The following VPS35L variants were observed in gnomAD, a reference collection of about 807,000 sequenced individuals.
The protein encoded by VPS35L is VPS35 endosomal protein sorting factor like.
A neutral mutation model predicts 133.0 loss-of-function variants in VPS35L; 83 were observed. The ratio of observed to expected loss-of-function variants is 0.62; its 90% confidence interval spans 0.52 to 0.75. VPS35L has a LOEUF of 0.75. VPS35L is among the 30% of genes least tolerant of loss of function. The pLI, the probability that VPS35L is intolerant of heterozygous loss-of-function variation, is 0.00. For missense variants in VPS35L, 1,083 were observed against 1,206.8 expected (o/e 0.90, Z 1.52); for synonymous variants, 423 against 449.9 (o/e 0.94, Z 0.76).
At chr16:19,600,461 G>A (rs927529566) in intron 8 of VPS35L, among the ~76,000 whole-genome samples, 5 of 152,086 alleles carry the variant, frequency 3.3e-5, no homozygotes, top group South Asian at 2.1e-4. Flanking sequence ...TTATTGGAAC[G>A]CAGCCACATC....
intron 27 of VPS35L, among the ~76,000 whole-genome samples, chr16:19,672,644 T>C (rs2151608337): frequency 6.6e-6 from 1 of 152,284 alleles, no homozygotes; most frequent in South Asian, 2.1e-4. Context: ...CTTGTTGTCC[T>C]GCAGGGAGGA....
intron 27 of VPS35L, among the ~76,000 whole-genome samples, chr16:19,672,764 C>T (rs768496166): frequency 2.0e-4 from 30 of 152,144 alleles, no homozygotes; most frequent in Admixed American, 3.9e-4. Flanking sequence ...CTGTAAGTTT[C>T]TCTCTTTGGG....
At chr16:19,618,762 A>T (rs1010842072) in intron 14 of VPS35L, among the ~76,000 whole-genome samples, 1 of 152,144 alleles carries the variant, frequency 6.6e-6, no homozygotes, top group African/African-American at 2.4e-5. Flanking sequence ...AGAATCAAAG[A>T]AGTCACTGTA....
chr16:19,583,851 C>T (rs1971782832), intron 7 of VPS35L, among the ~76,000 whole-genome samples: 1 of 152,014 alleles, frequency 6.6e-6, no homozygotes, highest in African/African-American at 2.4e-5. Flanking sequence ...GTTAACCAAC[C>T]TCTTTGTTCT....
chr16:19,621,755 A>C (rs1187223924), intron 14 of VPS35L, among the ~76,000 whole-genome samples: 2 of 152,206 alleles, frequency 1.3e-5, no homozygotes, highest in African/African-American at 4.8e-5. Context: ...GAACACTTAC[A>C]TGTATTCCCA....
intron 8 of VPS35L, among the ~76,000 whole-genome samples, chr16:19,596,231 C>T (rs1972210931): frequency 6.6e-6 from 1 of 152,014 alleles, no homozygotes; most frequent in Non-Finnish European, 1.5e-5. Context: ...GCAGTCAAAG[C>T]ACCTACTTTA....
chr16:19,605,902 G>A (rs1972524203), intron 9 of VPS35L, among the ~76,000 whole-genome samples: 1 of 152,132 alleles, frequency 6.6e-6, no homozygotes, highest in Non-Finnish European at 1.5e-5. Flanking sequence ...TCTACCTTGT[G>A]CACTGTTATC....
At chr16:19,597,082 T>C (rs226860) in intron 8 of VPS35L, among the ~76,000 whole-genome samples, 97,517 of 151,308 alleles carry the variant, frequency 0.64, 32,193 homozygotes, top group African/African-American at 0.77. Flanking sequence ...AGGAAAGGGC[T>C]GGGCATGGTG....
At chr16:19,640,816 G>A (rs1197030168) in intron 21 of VPS35L, among the ~76,000 whole-genome samples, 1 of 152,182 alleles carries the variant, frequency 6.6e-6, no homozygotes, top group Admixed American at 6.5e-5. Flanking sequence ...CACAATTACG[G>A]TTCACTGCAG....
At chr16:19,622,677 G>A (rs556536396) in intron 14 of VPS35L, among the ~76,000 whole-genome samples, 1 of 152,270 alleles carries the variant, frequency 6.6e-6, no homozygotes, top group African/African-American at 2.4e-5. Context: ...GATTATTTCT[G>A]TGTGTCAGGG....
At chr16:19,599,973 G>A (rs1972329802) in intron 8 of VPS35L, among the ~76,000 whole-genome samples, 1 of 152,168 alleles carries the variant, frequency 6.6e-6, no homozygotes, top group Non-Finnish European at 1.5e-5. Context: ...CCCAGGAGGT[G>A]GAGGCCGTAG....
intron 2 of VPS35L, among the ~76,000 whole-genome samples, chr16:19,566,482 A>G (rs1971194189): frequency 6.6e-6 from 1 of 152,252 alleles, no homozygotes; most frequent in East Asian, 1.9e-4. Context: ...GGCAACAGAG[A>G]GAAACTCCAT....
chr16:19,565,746 G>C (rs1971169449), intron 2 of VPS35L, among the ~76,000 whole-genome samples: 3 of 152,126 alleles, frequency 2.0e-5, no homozygotes, highest in Admixed American at 2.0e-4. Flanking sequence ...CCTCCTTAGT[G>C]AGGTTCCCTT....
chr16:19,688,959 A>G (rs1020405687), intron 28 of VPS35L, among the ~76,000 whole-genome samples: 3 of 152,182 alleles, frequency 2.0e-5, no homozygotes, highest in Non-Finnish European at 2.9e-5. Flanking sequence ...ATTCTCTTCC[A>G]TCGTACAGTG....
chr16:19,615,816 A>T (rs1972869590), intron 12 of VPS35L, among the ~76,000 whole-genome samples: 1 of 151,000 alleles, frequency 6.6e-6, no homozygotes. Flanking sequence ...AAAATACAAA[A>T]ATCAGCCAGG....
intron 8 of VPS35L, among the ~76,000 whole-genome samples, chr16:19,600,137 C>T (rs1289806543): frequency 6.6e-6 from 1 of 152,128 alleles, no homozygotes; most frequent in African/African-American, 2.4e-5. Context: ...GGCTGGCTTC[C>T]TTCACTTAAT....
At chr16:19,645,003 A>G in intron 23 of VPS35L, 54 bp downstream of exon 23, 1 of 1,273,892 alleles carries the variant, frequency 7.8e-7, no homozygotes, top group East Asian at 2.3e-5. Flanking sequence ...GTAATTGTTT[A>G]TCCTTATGTT....
chr16:19,595,567 A>T (rs1443327783), intron 8 of VPS35L, among the ~76,000 whole-genome samples: 1 of 152,006 alleles, frequency 6.6e-6, no homozygotes, highest in African/African-American at 2.4e-5. Flanking sequence ...TTTCTTTTGT[A>T]TGAGTCAGCT....
chr16:19,686,172 A>T (rs1416970100), intron 28 of VPS35L, among the ~76,000 whole-genome samples: 1 of 152,156 alleles, frequency 6.6e-6, no homozygotes. Context: ...GGAATCACAG[A>T]GTCTCTGCAG....
Sources: gnomAD v4.1 joint callset for allele counts (sites outside exome capture counted in the v4.1 genomes callset) on GRCh38, gnomAD v4.1.1 for gene constraint, MANE v1.5 for transcripts, NCBI Gene and HGNC (gene_info 2026-07-23, HGNC 2026-07-21) for gene names.